Variants in NABP2 observed in about 807,000 individuals in gnomAD.
NABP2 encodes the protein nucleic acid binding protein 2, also known as SOSS complex subunit B1.
Under a neutral mutation model 22.7 loss-of-function variants are expected in NABP2, and 7 were observed. That is an observed-to-expected ratio of 0.31 (90% CI 0.18 to 0.58). The LOEUF (loss-of-function observed/expected upper bound fraction) is 0.58, where lower values mean the gene tolerates loss of function less well. Among genes scored for constraint, NABP2 ranks in the 20% least tolerant of loss-of-function variants. The pLI, the probability that NABP2 is intolerant of heterozygous loss-of-function variation, is 0.89. For missense variants in NABP2, 188 were observed against 265.9 expected (o/e 0.71, Z 2.04); for synonymous variants, 107 against 99.2 (o/e 1.08, Z -0.47).
In NABP2 at chr12:56,229,410, A is replaced by G; in HGVS notation, c.*197A>G. The G allele has an allele frequency of 1.6e-6, 1 of 608,056 alleles. No homozygotes were observed. Among genetic ancestry groups the G allele is most frequent in the East Asian group, 2.8e-5 (1 of 35,590 alleles). 37.7% of individuals were successfully genotyped at this position (608,056 alleles called of 1,614,324 possible). On this transcript the variant is annotated 3_prime_UTR_variant, in exon 7 of 7. Transcript: ENST00000267023. ...AACTACCTGTCCCCTGGGAGTCAGGACCCTCTGCCTGCTCTCTTTCCTCTT... is the reference window on the plus strand; with the variant it reads ...AACTACCTGTCCCCTGGGAGTCAGGGCCCTCTGCCTGCTCTCTTTCCTCTT...
chr12:56,223,036 C>A (rs748619595), upstream of NABP2, among the ~76,000 whole-genome samples: 61 of 152,172 alleles, frequency 4.0e-4, no homozygotes, highest in Non-Finnish European at 8.2e-4. Context: ...GAGTTTGAGC[C>A]CAGGCTGGCC....
At chr12:56,222,058 T>G (rs1869509123), upstream of NABP2, 2 of 152,356 alleles carry the variant, frequency 1.3e-5, no homozygotes, top group South Asian at 4.1e-4. Context: ...TGGCCAGGCC[T>G]CCACTCTAGA....
rs1432593273 is a variant in NABP2 at position 56,225,649 on chromosome 12, C to T, written c.244C>T (p.Leu82=). 1.2e-6 allele frequency: 2 copies of T among 1,614,154 alleles called. No homozygotes were observed. The stretch of plus-strand genomic sequence containing the variant: ...GTACGCTTCAGTTTTCAAAGGTTGT[C>T]TGACACTATATACTGGCCGTGGGGG... ...KGYASVFKGC[L]TLYTGRGGDL... The change falls in exon 4 of 7, where the codon CTG becomes TTG. Residue 82 remains leucine (L), a synonymous_variant. Coordinates refer to ENST00000267023, the MANE Select transcript of NABP2 (RefSeq NM_024068.4).
At chr12:56,223,849 C>G (rs1869627869), upstream of NABP2, 1 of 152,088 alleles carries the variant, frequency 6.6e-6, no homozygotes, top group African/African-American at 2.4e-5. Context: ...AGAATGGGGT[C>G]TCGTTATATT....
chr12:56,224,571 G>A, intron 1 of NABP2, 130 bp downstream of exon 1: 1 of 1,220,624 alleles, frequency 8.2e-7, no homozygotes, highest in Admixed American at 3.3e-5. Context: ...CCCTGTCTAC[G>A]TCGGCTCCGC....
Position 56,229,087 on chromosome 12 carries a change from T to TTCCGCCCCCCC in NABP2, c.510_511insTCCGCCCCCCC (p.Pro171SerfsTer66). On this transcript the variant is annotated frameshift_variant, in exon 7 of 7. Coordinates refer to ENST00000267023, the MANE Select transcript of NABP2 (RefSeq NM_024068.4). LOFTEE classifies it high-confidence loss of function. ...GTGGTGGCCCACATCCCCCTCATAC[T>TTCCGCCCCCCC]CCCTCCCACCCACCCAGCACCCGAA... 1 of 1,512,346 alleles carries TTCCGCCCCCCC rather than the reference T, an allele frequency of 6.6e-7. No homozygotes were observed. The highest frequency in any genetic ancestry group is 9.1e-7 in the Non-Finnish European group (1 of 1,102,014). 93.7% of individuals were successfully genotyped at this position (1,512,346 alleles called of 1,614,324 possible).
At position 56,224,377 on chromosome 12, in the gene NABP2, A is replaced by G. The variant is rs762855860; in HGVS notation, c.-88A>G. On this transcript the variant is annotated 5_prime_UTR_variant, in exon 1 of 7. Transcript: ENST00000267023. ...GTTCCACGGGGCAGCATCCGGCGGC[A>G]GCGGAGCCTGTGGCTCCCCCTGCGG... 21 of 990,458 alleles carry G rather than the reference A, an allele frequency of 2.1e-5. No individual in the cohort carries two copies. The South Asian group carries it at 2.8e-4, about 13-fold the overall frequency. The allele number at this position is 990,458 out of a possible 1,614,324, so 61.4% of individuals were successfully genotyped here. A position where few individuals can be genotyped will look rare whatever the true frequency, so the allele number is the denominator to read the frequency against.
At chr12:56,225,842 C>G (rs1427673963) in intron 4 of NABP2, 147 bp downstream of exon 4, 20 of 947,996 alleles carry the variant, frequency 2.1e-5, no homozygotes, top group Non-Finnish European at 2.9e-5. Context: ...CTCTGTCGCT[C>G]AGGCTGGAGT....
In NABP2 at chr12:56,229,087, T is replaced by TTCCCACCC; in HGVS notation, c.510_511insTCCCACCC (p.Pro171SerfsTer65). 1 of 1,512,340 alleles carries TTCCCACCC rather than the reference T, an allele frequency of 6.6e-7. No individual in the cohort carries two copies. Among genetic ancestry groups the TTCCCACCC allele is most frequent in the Non-Finnish European group, 9.1e-7 (1 of 1,102,008 alleles). The allele number at this position is 1,512,340 out of a possible 1,614,324, so 93.7% of individuals were successfully genotyped here. A position where few individuals can be genotyped will look rare whatever the true frequency, so the allele number is the denominator to read the frequency against. Reference sequence around the variant, plus strand: ...GTGGTGGCCCACATCCCCCTCATACTCCCTCCCACCCACCCAGCACCCGAA... The same window carrying TTCCCACCC: ...GTGGTGGCCCACATCCCCCTCATACTTCCCACCCCCCTCCCACCCACCCAGCACCCGAA... On this transcript the variant is annotated frameshift_variant, in exon 7 of 7. Coordinates refer to ENST00000267023, the MANE Select transcript of NABP2 (RefSeq NM_024068.4). LOFTEE classifies it high-confidence loss of function.
In NABP2 at chr12:56,224,432, G is replaced by C; in HGVS notation, c.-33G>C. ...CTCAGCGGCGTGCACAGTCCTGCCG[G>C]CTGGCTTGGGTGGGTGGTGGGCTGC... is the stretch of plus-strand genomic sequence containing the variant. On this transcript the variant is annotated 5_prime_UTR_variant, in exon 1 of 7. Coordinates refer to ENST00000267023, the MANE Select transcript of NABP2 (RefSeq NM_024068.4). The C allele has an allele frequency of 2.9e-6, 3 of 1,027,082 alleles. No individual in the cohort carries two copies. The highest frequency in any genetic ancestry group is 3.5e-6 in the Non-Finnish European group (3 of 850,566). 63.6% of individuals were successfully genotyped at this position (1,027,082 alleles called of 1,614,324 possible).
intron 2 of NABP2, among the ~76,000 whole-genome samples, chr12:56,225,140 A>G (rs1869701706): frequency 6.6e-6 from 1 of 152,112 alleles, no homozygotes; most frequent in African/African-American, 2.4e-5. Flanking sequence ...CTCCTGTGCG[A>G]CGCGGGCCTC....
chr12:56,225,150 C>T (rs953707613), intron 2 of NABP2, among the ~76,000 whole-genome samples: 1 of 152,118 alleles, frequency 6.6e-6, no homozygotes, highest in Non-Finnish European at 1.5e-5. Context: ...ACGCGGGCCT[C>T]TTTCCACTCA....
chr12:56,229,555 A>T lies in NABP2; in HGVS notation c.*342A>T, dbSNP rs1870015309. ...TTCAAGACCAGCCTGACCAACATGGAGAAACCCCGTGTCTACTAAAAATAC... is the reference window on the plus strand; with the variant it reads ...TTCAAGACCAGCCTGACCAACATGGTGAAACCCCGTGTCTACTAAAAATAC... On this transcript the variant is annotated 3_prime_UTR_variant, in exon 7 of 7. Transcript: ENST00000267023. The T allele has an allele frequency of 3.7e-6, 1 of 270,094 alleles. No individual in the cohort carries two copies. The highest frequency in any genetic ancestry group is 4.3e-5 in the South Asian group (1 of 23,002). 16.7% of individuals were successfully genotyped at this position (270,094 alleles called of 1,614,324 possible).
intron 2 of NABP2, 137 bp downstream of exon 2, chr12:56,225,072 C>A: frequency 1.4e-6 from 1 of 720,612 alleles, no homozygotes; most frequent in Non-Finnish European, 2.3e-6. Flanking sequence ...CTCTTCGACC[C>A]TGGGACAGAA....
In NABP2 at chr12:56,224,563, C is replaced by G. The variant is rs543113322; in HGVS notation, c.-24+122C>G. On this transcript the variant is annotated intron_variant, in intron 1 of 6. Coordinates refer to ENST00000267023, the MANE Select transcript of NABP2 (RefSeq NM_024068.4). ...TGGCTGTGCACCGGGTTCCCTACCCCTGTCTACGTCGGCTCCGCCACTTCG... is the reference window on the plus strand; with the variant it reads ...TGGCTGTGCACCGGGTTCCCTACCCGTGTCTACGTCGGCTCCGCCACTTCG... 76 of 1,218,634 alleles carry G rather than the reference C, an allele frequency of 6.2e-5. No individual in the cohort carries two copies. In the East Asian group the frequency reaches 2.2e-3, roughly 35 times the overall value. The allele number at this position is 1,218,634 out of a possible 1,614,324, so 75.5% of individuals were successfully genotyped here. A position where few individuals can be genotyped will look rare whatever the true frequency, so the allele number is the denominator to read the frequency against.
upstream of NABP2, chr12:56,224,285 C>G: frequency 2.0e-6 from 2 of 977,520 alleles, no homozygotes; most frequent in Non-Finnish European, 2.4e-6. Flanking sequence ...CAGGGCGCGC[C>G]CGGGCGGTGC....
At chr12:56,225,886 A>G (rs1184252087) in intron 4 of NABP2, among the ~76,000 whole-genome samples, 191 bp downstream of exon 4, 1 of 151,850 alleles carries the variant, frequency 6.6e-6, no homozygotes, top group Non-Finnish European at 1.5e-5. Flanking sequence ...TGTAGCCTTG[A>G]CCTCCCGGGG....
Position 56,229,257 on chromosome 12 carries a change from C to T in NABP2, c.*44C>T, listed in dbSNP as rs779226369. The T allele has an allele frequency of 2.5e-6, 4 of 1,602,588 alleles. No individual in the cohort carries two copies. In the South Asian group the frequency reaches 4.4e-5, roughly 18 times the overall value. On this transcript the variant is annotated 3_prime_UTR_variant, in exon 7 of 7. Transcript: ENST00000267023. ...TGCCACCAACCACATCCCAAGTGTC[C>T]CCTGGAGAGCAAGATAGCCTTCCAC...
chr12:56,225,839 G>T, intron 4 of NABP2, 144 bp downstream of exon 4: 1 of 962,994 alleles, frequency 1.0e-6, no homozygotes, highest in Non-Finnish European at 1.6e-6. Flanking sequence ...AGTCTCTGTC[G>T]CTCAGGCTGG....
Sources: allele counts gnomAD v4.1 joint callset (sites outside exome capture counted in the v4.1 genomes callset), GRCh38; gene constraint gnomAD v4.1.1; transcripts MANE v1.5; gene names NCBI Gene and HGNC (gene_info 2026-07-23, HGNC 2026-07-21).